DGKG: variants seen among roughly 807,000 people sequenced by gnomAD.
DGKG encodes the protein diacylglycerol kinase gamma, also known as DAG kinase gamma.
A neutral mutation model predicts 105.3 loss-of-function variants in DGKG; 78 were observed. The ratio of observed to expected loss-of-function variants is 0.74; its 90% confidence interval spans 0.62 to 0.89. DGKG has a LOEUF of 0.89. DGKG is among the 40% of genes least tolerant of loss of function. The pLI is 0.00. For synonymous variants in DGKG, 346 were observed against 367.1 expected, an observed-to-expected ratio of 0.94 and a Z score of 0.66; for missense variants, 958 against 1,020.1, an observed-to-expected ratio of 0.94 and a Z score of 0.83.
chr3:186,268,031 G>A (rs1054279274), intron 12 of DGKG, among the ~76,000 whole-genome samples: 12 of 152,080 alleles, frequency 7.9e-5, no homozygotes, highest in Non-Finnish European at 1.3e-4. Context: ...GTCATGAGCC[G>A]GCCTGTGACC....
In DGKG at chr3:186,203,776, C is replaced by G. The variant is rs139215260; in HGVS notation, c.1917+8019G>C. ...CGAACTCAAAATCCCTTCTAATGCTCTTCTCAACTTTCCCTTCCCCATGCG... is the reference window on the plus strand; with the variant it reads ...CGAACTCAAAATCCCTTCTAATGCTGTTCTCAACTTTCCCTTCCCCATGCG... On this transcript the variant is annotated intron_variant, in intron 21 of 24. Transcript: ENST00000265022. The surrounding 1 kb of genome is among the most constrained non-coding windows in gnomAD (Gnocchi z 4.9). Among the ~76,000 whole-genome samples, 442 of 152,364 alleles carry G rather than the reference C, an allele frequency of 2.9e-3. 2 individuals carry two copies. Among genetic ancestry groups the G allele is most frequent in the Non-Finnish European group, 4.7e-3 (320 of 68,044 alleles).
At chr3:186,218,595 T>A (rs1251593541) in intron 20 of DGKG, among the ~76,000 whole-genome samples, 1 of 151,326 alleles carries the variant, frequency 6.6e-6, no homozygotes, top group Non-Finnish European at 1.5e-5. Context: ...ATGACACAAT[T>A]CAGAACAGGA....
At position 186,298,272 on chromosome 3, in the gene DGKG, G is replaced by C. The variant is rs1450843929; in HGVS notation, c.145-43C>G. On this transcript the variant is annotated intron_variant, in intron 3 of 24. Coordinates refer to ENST00000265022, the MANE Select transcript of DGKG (RefSeq NM_001346.3). ...GGCAAAGTCAGTGGAGAGAAGCAAAGGGACAGAGAGGAAGAGAGAAGGAAA... is the reference window on the plus strand; with the variant it reads ...GGCAAAGTCAGTGGAGAGAAGCAAACGGACAGAGAGGAAGAGAGAAGGAAA... 14 of 1,518,694 alleles carry C rather than the reference G, an allele frequency of 9.2e-6. No individual in the cohort carries two copies. In the South Asian group the frequency reaches 1.8e-4, roughly 20 times the overall value. The allele number at this position is 1,518,694 out of a possible 1,614,324, so 94.1% of individuals were successfully genotyped here.
At chr3:186,346,695 C>T (rs570385476) in intron 1 of DGKG, among the ~76,000 whole-genome samples, 6 of 136,392 alleles carry the variant, frequency 4.4e-5, no homozygotes, top group African/African-American at 2.2e-4. Flanking sequence ...GTTTTATTTG[C>T]CTCTTACTGC....
rs1243624628 is a variant in DGKG at position 186,211,903 on chromosome 3, G to T, written c.1827-18C>A. 3 of 1,595,048 alleles carry T rather than the reference G, an allele frequency of 1.9e-6. No homozygotes were observed. Among genetic ancestry groups the T allele is most frequent in the East Asian group, 2.2e-5 (1 of 44,758 alleles). ...TCTTCATCCTGGACCACAAAGCAGAGAGATGTCTCAATATTCCATACTTGA... is the reference window on the plus strand; with the variant it reads ...TCTTCATCCTGGACCACAAAGCAGATAGATGTCTCAATATTCCATACTTGA... On this transcript the variant is annotated intron_variant, in intron 20 of 24. Transcript: ENST00000265022.
At chr3:186,275,737 C>A (rs1044211669) in intron 9 of DGKG, 73 bp from the exon 10 acceptor site, 1 of 951,756 alleles carries the variant, frequency 1.1e-6, no homozygotes, top group Non-Finnish European at 1.6e-6. Flanking sequence ...CTGCCTCTTG[C>A]ATGTTCTTCC....
At position 186,157,650 on chromosome 3, in the gene DGKG, A is replaced by G. The variant is rs189475823; in HGVS notation, c.2277+3953T>C. 3.4e-3 allele frequency among the ~76,000 whole-genome samples: 511 copies of G among 152,310 alleles called. 3 individuals carry two copies. The highest frequency in any genetic ancestry group is 5.7e-3 in the Non-Finnish European group (389 of 68,018). On this transcript the variant is annotated intron_variant, in intron 24 of 24. Transcript: ENST00000265022. The stretch of plus-strand genomic sequence containing the variant: ...TTAATGGTTACCAGGATTTTCATTC[A>G]TCTTCTTAAGATGTTCAAGTTCATT...
At chr3:186,254,554 C>T (rs2108565942) in intron 17 of DGKG, among the ~76,000 whole-genome samples, 1 of 152,282 alleles carries the variant, frequency 6.6e-6, no homozygotes, top group South Asian at 2.1e-4. Context: ...GGTGTTTAGG[C>T]TAGAAAGCTG....
chr3:186,147,638 G>C lies in DGKG; in HGVS notation c.*2452C>G. The C allele has an allele frequency of 1.0e-6, 1 of 985,394 alleles. No individual in the cohort carries two copies. Among genetic ancestry groups the C allele is most frequent in the South Asian group, 4.7e-5 (1 of 21,290 alleles). The allele number at this position is 985,394 out of a possible 1,614,324, so 61.0% of individuals were successfully genotyped here. On this transcript the variant is annotated 3_prime_UTR_variant, in exon 25 of 25. Transcript: ENST00000265022. ...TGCAAGTCCTGTGCACTAGGGTGCAGCAGGTAAGGGCCATTTTCTGCACTG... is the reference window on the plus strand; with the variant it reads ...TGCAAGTCCTGTGCACTAGGGTGCACCAGGTAAGGGCCATTTTCTGCACTG...
chr3:186,351,842 A>G (rs149668632), intron 1 of DGKG, among the ~76,000 whole-genome samples: 35 of 152,246 alleles, frequency 2.3e-4, no homozygotes, highest in Non-Finnish European at 4.6e-4. Flanking sequence ...AAGTAGTTTT[A>G]GAGAAACTGT....
chr3:186,161,476 G>T, intron 24 of DGKG, 127 bp downstream of exon 24: 1 of 1,497,720 alleles, frequency 6.7e-7, no homozygotes, highest in South Asian at 1.4e-5. Context: ...GTGGAAGAGG[G>T]GTTGCACTAG....
At chr3:186,245,302 CA>C (rs754980527) in intron 19 of DGKG, among the ~76,000 whole-genome samples, 21 of 152,144 alleles carry the variant, frequency 1.4e-4, no homozygotes, top group Admixed American at 2.6e-4. Flanking sequence ...CACAAAGTAG[CA>C]AGGGAGAGTA....
At chr3:186,247,165 C>T (rs1374542713) in intron 19 of DGKG, among the ~76,000 whole-genome samples, 4 of 152,272 alleles carry the variant, frequency 2.6e-5, no homozygotes, top group East Asian at 1.9e-4. Flanking sequence ...ATAAGGCCAA[C>T]GATCTTAGCT....
rs763194695 is a variant in DGKG, at chr3:186,226,273, C to A, written c.1827-14388G>T. ...GATAATCCAATCCTTCAAATTTCTT[C>A]TTTTCTAACCCATCAGCTGTTAACC... On this transcript the variant is annotated intron_variant, in intron 20 of 24. Coordinates refer to ENST00000265022, the MANE Select transcript of DGKG (RefSeq NM_001346.3). The surrounding 1 kb of genome is among the most constrained non-coding windows in gnomAD (Gnocchi z 4.2). Among the ~76,000 whole-genome samples, 34 of 152,160 alleles carry A rather than the reference C, an allele frequency of 2.2e-4. No homozygotes were observed. The highest frequency in any genetic ancestry group is 4.7e-4 in the Non-Finnish European group (32 of 68,034).
chr3:186,160,630 A>G (rs4686739), intron 24 of DGKG: 618,756 of 985,048 alleles, frequency 0.63, 196,066 homozygotes, highest in East Asian at 0.93. Flanking sequence ...TGGAGGGCTC[A>G]AAATAGCAGG....
intron 20 of DGKG, among the ~76,000 whole-genome samples, chr3:186,222,260 A>G (rs1719620667): frequency 6.6e-6 from 1 of 152,168 alleles, no homozygotes; most frequent in Non-Finnish European, 1.5e-5. Context: ...CTCTGAGCAC[A>G]TTTCCCCATA....
At chr3:186,246,126 C>A (rs9851244) in intron 19 of DGKG, among the ~76,000 whole-genome samples, 3,332 of 152,190 alleles carry the variant, frequency 0.022, 46 homozygotes, top group Middle Eastern at 0.034. Flanking sequence ...CACCTGCCAC[C>A]ACGTCTGGCT....
chr3:186,190,514 T>C (rs902420324), intron 21 of DGKG, among the ~76,000 whole-genome samples: 1 of 152,192 alleles, frequency 6.6e-6, no homozygotes, highest in African/African-American at 2.4e-5. Context: ...ATCCTTATCC[T>C]TATTATCCAA....
At chr3:186,296,081 C>G (rs1169882123) in intron 5 of DGKG, among the ~76,000 whole-genome samples, 1 of 148,168 alleles carries the variant, frequency 6.7e-6, no homozygotes, top group Non-Finnish European at 1.5e-5. Context: ...TGCACTCCAG[C>G]CTGGGGGACA....
Sources: allele counts gnomAD v4.1 joint callset (sites outside exome capture counted in the v4.1 genomes callset), GRCh38; gene constraint gnomAD v4.1.1; non-coding constraint Gnocchi (gnomAD v3.1); transcripts MANE v1.5; gene names NCBI Gene and HGNC (gene_info 2026-07-23, HGNC 2026-07-21).